PDE3A: variants seen among roughly 807,000 people sequenced by gnomAD.
The protein encoded by PDE3A is phosphodiesterase 3A.
A neutral mutation model predicts 98.3 loss-of-function variants in PDE3A; 43 were observed. That is an observed-to-expected ratio of 0.44 (90% CI 0.34 to 0.56). The LOEUF (loss-of-function observed/expected upper bound fraction) is 0.56, where lower values mean the gene tolerates loss of function less well. Among genes scored for constraint, PDE3A ranks in the 20% least tolerant of loss-of-function variants. The pLI, the probability that PDE3A is intolerant of heterozygous loss-of-function variation, is 0.01. For missense variants in PDE3A, 1,427 were observed against 1,440.7 expected (o/e 0.99, Z 0.15); for synonymous variants, 663 against 567.9 (o/e 1.17, Z -2.38).
intron 1 of PDE3A, among the ~76,000 whole-genome samples, chr12:20,461,302 C>CTTTAGT (rs1945246351): frequency 6.7e-6 from 1 of 148,750 alleles, no homozygotes; most frequent in Non-Finnish European, 1.5e-5. Context: ...CTTTCCTTGA[C>CTTTAGT]TTTAGTTTTA....
intron 1 of PDE3A, among the ~76,000 whole-genome samples, chr12:20,404,480 G>A (rs537400222): frequency 3.3e-4 from 50 of 152,110 alleles, no homozygotes; most frequent in Non-Finnish European, 4.7e-4. Flanking sequence ...TAAGTTTCAT[G>A]AGGTCAGGAA....
chr12:20,393,332 T>C (rs1243645951), intron 1 of PDE3A, among the ~76,000 whole-genome samples: 1 of 151,846 alleles, frequency 6.6e-6, no homozygotes, highest in Non-Finnish European at 1.5e-5. Context: ...AGAAAAAGTT[T>C]CTCCTTATAA....
At chr12:20,476,830 C>T (rs7485410) in intron 1 of PDE3A, among the ~76,000 whole-genome samples, 7,915 of 152,086 alleles carry the variant, frequency 0.052, 222 homozygotes, top group Middle Eastern at 0.065. Flanking sequence ...GATTTGAATC[C>T]GTGGGCTGAA....
In PDE3A at chr12:20,369,862, T is replaced by C. The variant is rs141457914; in HGVS notation, c.578T>C (p.Val193Ala). ...DHLLSLPAAG[V>A]VLSCLAAATW... ...TTACTCTCACTCCCCGCCGCGGGGG[T>C]GGTGCTCAGCTGCTTGGCCGCCGCG... The change falls in exon 1 of 16, where the codon GTG becomes GCG. Residue 193 changes from valine (V) to alanine (A), a missense_variant. Physicochemically the swap from Val to Ala is moderately conservative, Grantham distance 64. Around this residue, in one of 3 missense-constraint regions of PDE3A, gnomAD observed 1,012 missense variants for 886.5 expected, o/e 1.14. Transcript: ENST00000359062. 7,067 of 1,611,006 alleles carry C rather than the reference T, an allele frequency of 4.4e-3. 28 individuals carry two copies. Among genetic ancestry groups the C allele is most frequent in the Non-Finnish European group, 5.4e-3 (6,388 of 1,179,162 alleles).
intron 7 of PDE3A, among the ~76,000 whole-genome samples, chr12:20,634,254 TACTC>T (rs1944449066): frequency 6.6e-6 from 1 of 152,208 alleles, no homozygotes; most frequent in Non-Finnish European, 1.5e-5. Context: ...ACATAGCAAA[TACTC>T]AATAAACTTC....
At chr12:20,651,432 A>C (rs936993071) in intron 14 of PDE3A, among the ~76,000 whole-genome samples, 1 of 152,230 alleles carries the variant, frequency 6.6e-6, no homozygotes, top group African/African-American at 2.4e-5. Context: ...TAAAAGAGTG[A>C]CATACTAATT....
At chr12:20,370,672 A>G (rs1202019938) in intron 1 of PDE3A, among the ~76,000 whole-genome samples, 1 of 152,160 alleles carries the variant, frequency 6.6e-6, no homozygotes, top group African/African-American at 2.4e-5. Flanking sequence ...CTAGATTTCT[A>G]CTTTTTAAAA....
At chr12:20,562,244 C>CGGA (rs1942543710) in intron 2 of PDE3A, among the ~76,000 whole-genome samples, 2 of 120,080 alleles carry the variant, frequency 1.7e-5, no homozygotes, top group South Asian at 5.2e-4. Flanking sequence ...TTTTTGGAGA[C>CGGA]GGAGTCCGGC....
chr12:20,420,753 G>A (rs10841516), intron 1 of PDE3A, among the ~76,000 whole-genome samples: 12,629 of 152,144 alleles, frequency 0.083, 947 homozygotes, highest in African/African-American at 0.2. Flanking sequence ...ATGCACACCG[G>A]GTTCTCTGAA....
At chr12:20,377,545 A>C (rs531511568) in intron 1 of PDE3A, among the ~76,000 whole-genome samples, 1 of 151,828 alleles carries the variant, frequency 6.6e-6, no homozygotes, top group East Asian at 1.9e-4. Context: ...ATTTTTAAAG[A>C]TTTGTAATAT....
chr12:20,532,186 A>G (rs1246845570), intron 1 of PDE3A, among the ~76,000 whole-genome samples: 1 of 152,216 alleles, frequency 6.6e-6, no homozygotes, highest in African/African-American at 2.4e-5. Context: ...ATAAAGAGCT[A>G]TAAATAAAAG....
At chr12:20,497,632 T>C (rs1271254152) in intron 1 of PDE3A, among the ~76,000 whole-genome samples, 1 of 151,428 alleles carries the variant, frequency 6.6e-6, no homozygotes, top group Non-Finnish European at 1.5e-5. Flanking sequence ...ATAACTGATA[T>C]AGTCAATATA....
intron 15 of PDE3A, among the ~76,000 whole-genome samples, chr12:20,665,686 A>G (rs1945290079): frequency 6.6e-6 from 1 of 152,130 alleles, no homozygotes; most frequent in Admixed American, 6.5e-5. Context: ...CCTATAAGCA[A>G]TATATTAGTT....
At chr12:20,373,125 CAA>C (rs1048038494) in intron 1 of PDE3A, among the ~76,000 whole-genome samples, 8 of 151,994 alleles carry the variant, frequency 5.3e-5, no homozygotes, top group African/African-American at 1.9e-4. Flanking sequence ...CAGGAAAAAA[CAA>C]AGTTTATAGT....
chr12:20,448,581 G>A (rs1029385201), intron 1 of PDE3A, among the ~76,000 whole-genome samples: 2 of 151,928 alleles, frequency 1.3e-5, no homozygotes, highest in Admixed American at 6.6e-5. Context: ...ATTATGCCTT[G>A]GTTTTCAAAA....
At chr12:20,483,666 A>G (rs1565563749) in intron 1 of PDE3A, among the ~76,000 whole-genome samples, 1 of 152,304 alleles carries the variant, frequency 6.6e-6, no homozygotes, top group East Asian at 1.9e-4. Context: ...TAATGTTTAG[A>G]AATCTACTTT....
intron 1 of PDE3A, among the ~76,000 whole-genome samples, chr12:20,460,747 G>A (rs554966479): frequency 6.6e-6 from 1 of 152,252 alleles, no homozygotes; most frequent in South Asian, 2.1e-4. Flanking sequence ...TTTAAAGCCT[G>A]TGTAGTTCAT....
intron 1 of PDE3A, among the ~76,000 whole-genome samples, chr12:20,511,417 T>TAC (rs71884926): frequency 0.41 from 59,913 of 147,744 alleles, 12,365 homozygotes; most frequent in Non-Finnish European, 0.48. Context: ...AGTGCTCAAA[T>TAC]ACACACACAC....
intron 1 of PDE3A, among the ~76,000 whole-genome samples, chr12:20,415,255 G>A (rs1375615263): frequency 6.6e-6 from 1 of 151,816 alleles, no homozygotes; most frequent in African/African-American, 2.4e-5. Context: ...GATAAAACAT[G>A]TGTCTGAATT....
Sources: allele counts gnomAD v4.1 joint callset (sites outside exome capture counted in the v4.1 genomes callset), GRCh38; gene constraint gnomAD v4.1.1; regional missense constraint gnomAD v4.1.1; transcripts MANE v1.5; gene names NCBI Gene and HGNC (gene_info 2026-07-23, HGNC 2026-07-21).